UPF3A: variants seen among roughly 807,000 people sequenced by gnomAD.
UPF3A encodes the protein regulator of nonsense transcripts 3A.
UPF3A carries 42 observed loss-of-function variants against 53.5 expected under a neutral mutation model. The ratio of observed to expected loss-of-function variants is 0.78; its 90% confidence interval spans 0.61 to 1.01. The LOEUF (loss-of-function observed/expected upper bound fraction) is 1.01. Among genes scored for constraint, UPF3A ranks in the 50% least tolerant of loss-of-function variants. The pLI, the probability that UPF3A is intolerant of heterozygous loss-of-function variation, is 0.00. For missense variants in UPF3A, 575 were observed against 598.0 expected, an observed-to-expected ratio of 0.96 and a Z score of 0.40; for synonymous variants, 237 against 225.3, an observed-to-expected ratio of 1.05 and a Z score of -0.47.
intron 7 of UPF3A, among the ~76,000 whole-genome samples, chr13:114,292,003 G>T (rs966879954): frequency 1.3e-5 from 2 of 151,812 alleles, no homozygotes; most frequent in African/African-American, 4.8e-5. Context: ...TCAGGCTGCT[G>T]TTGGGTGCCT....
In UPF3A at chr13:114,291,376, A is replaced by T. The variant is rs955107499; in HGVS notation, c.632-113A>T. The T allele has an allele frequency of 3.8e-6, 4 of 1,065,592 alleles. No homozygotes were observed. The African/African-American group carries it at 6.6e-5, about 17-fold the overall frequency. The allele number at this position is 1,065,592 out of a possible 1,614,324, so 66.0% of individuals were successfully genotyped here. A position where few individuals can be genotyped will look rare whatever the true frequency, so the allele number is the denominator to read the frequency against. The stretch of plus-strand genomic sequence containing the variant: ...TCCCCTGGAGACAGTGTGTAAATTT[A>T]AAAAGTAATGATATGGTTCCCGTAT... On this transcript the variant is annotated intron_variant, in intron 5 of 9. Coordinates refer to ENST00000375299, the MANE Select transcript of UPF3A (RefSeq NM_023011.4).
intron 7 of UPF3A, among the ~76,000 whole-genome samples, chr13:114,296,222 A>C (rs1196284308): frequency 6.6e-6 from 1 of 152,164 alleles, no homozygotes; most frequent in Non-Finnish European, 1.5e-5. Flanking sequence ...GTCTCTACTA[A>C]AAATACAAAA....
Position 114,281,984 on chromosome 13 carries a change from C to T in UPF3A, c.208-37C>T, listed in dbSNP as rs1161478911. 4 of 1,528,098 alleles carry T rather than the reference C, an allele frequency of 2.6e-6. No homozygotes were observed. The Admixed American group carries it at 5.9e-5, about 23-fold the overall frequency. 94.7% of individuals were successfully genotyped at this position (1,528,098 alleles called of 1,614,324 possible). A position where few individuals can be genotyped will look rare whatever the true frequency, so the allele number is the denominator to read the frequency against. On this transcript the variant is annotated intron_variant, in intron 1 of 9. Transcript: ENST00000375299. ...GTGCCTTTTGAGCTCCTTGTCCACGCTCCGCCCCGGTGGGAACGGCCGCGC... is the reference window on the plus strand; with the variant it reads ...GTGCCTTTTGAGCTCCTTGTCCACGTTCCGCCCCGGTGGGAACGGCCGCGC...
intron 7 of UPF3A, among the ~76,000 whole-genome samples, chr13:114,293,095 A>AG (rs1555372068): frequency 7.6e-6 from 1 of 131,788 alleles, no homozygotes; most frequent in Non-Finnish European, 1.6e-5. Flanking sequence ...AAAAAAAAAA[A>AG]TTTCCTGGCC....
Position 114,294,599 on chromosome 13 carries a change from G to A in UPF3A, c.846+2807G>A, listed in dbSNP as rs373036974. 2.6e-5 allele frequency among the ~76,000 whole-genome samples: 4 copies of A among 152,326 alleles called. No homozygotes were observed. In the East Asian group the frequency reaches 7.7e-4, roughly 29 times the overall value. ...AATATGGTTTGGGAGGCCGAGGCGGGCGTATCACGAGGTCAGGAGATCGAG... is the reference window on the plus strand; with the variant it reads ...AATATGGTTTGGGAGGCCGAGGCGGACGTATCACGAGGTCAGGAGATCGAG... On this transcript the variant is annotated intron_variant, in intron 7 of 9. Transcript: ENST00000375299.
At chr13:114,291,403 T>C (rs1359275012) in intron 5 of UPF3A, 86 bp from the exon 6 acceptor site, 11 of 1,274,820 alleles carry the variant, frequency 8.6e-6, no homozygotes, top group Non-Finnish European at 1.2e-5. Context: ...TTCCCGTATT[T>C]ATTTTAAAGA....
At chr13:114,294,918 C>T (rs1292298696) in intron 7 of UPF3A, among the ~76,000 whole-genome samples, 11 of 151,464 alleles carry the variant, frequency 7.3e-5, no homozygotes, top group Middle Eastern at 3.4e-3. Flanking sequence ...CGAGACCATC[C>T]TGGCTAACAC....
rs2084293965 is a variant in UPF3A at position 114,283,112 on chromosome 13, C to G, written c.421+169C>G. The G allele has an allele frequency of 1.1e-5, 6 of 534,190 alleles. No homozygotes were observed. The South Asian group carries it at 1.3e-4, about 12-fold the overall frequency. The allele number at this position is 534,190 out of a possible 1,614,324, so 33.1% of individuals were successfully genotyped here. A position where few individuals can be genotyped will look rare whatever the true frequency, so the allele number is the denominator to read the frequency against. ...AATCACGGCTCACTGCAGCCTCACA[C>G]TGCGGCTCAAGCAATCCTCCAGCCT... On this transcript the variant is annotated intron_variant, in intron 3 of 9. Coordinates refer to ENST00000375299, the MANE Select transcript of UPF3A (RefSeq NM_023011.4).
chr13:114,287,831 T>C (rs12560501), intron 5 of UPF3A, among the ~76,000 whole-genome samples: 21 of 151,876 alleles, frequency 1.4e-4, no homozygotes, highest in Admixed American at 7.9e-4. Context: ...AAGCTTTTTT[T>C]CCCCCCACTC....
intron 3 of UPF3A, chr13:114,286,078 C>G (rs2084657292): frequency 2.0e-6 from 1 of 512,570 alleles, no homozygotes; most frequent in Admixed American, 3.6e-5. Context: ...TTGTTTAAGT[C>G]TGGAGTTTGC....
chr13:114,303,756 A>G (rs2086799763), intron 9 of UPF3A, among the ~76,000 whole-genome samples: 1 of 152,200 alleles, frequency 6.6e-6, no homozygotes, highest in South Asian at 2.1e-4. Flanking sequence ...ATTGCACTCC[A>G]GCCTAGGCAA....
At chr13:114,282,555 C>T (rs2084211352) in intron 2 of UPF3A, 6 of 985,352 alleles carry the variant, frequency 6.1e-6, no homozygotes, top group Non-Finnish European at 6.0e-6. Context: ...TCTCTCGGCG[C>T]CACGGGTTCC....
Position 114,305,328 on chromosome 13 carries a change from C to T in UPF3A, c.*411C>T, listed in dbSNP as rs2086931983. The T allele has an allele frequency of 3.7e-6, 1 of 272,398 alleles. No individual in the cohort carries two copies. The highest frequency in any genetic ancestry group is 7.2e-6 in the Non-Finnish European group (1 of 138,326). 16.9% of individuals were successfully genotyped at this position (272,398 alleles called of 1,614,324 possible). A position where few individuals can be genotyped will look rare whatever the true frequency, so the allele number is the denominator to read the frequency against. ...GAGGAGCTGTCAGTCACTCGTGCTT[C>T]TCGGTGGCCTCTGAGCCATGGTGTC... On this transcript the variant is annotated 3_prime_UTR_variant, in exon 10 of 10. Coordinates refer to ENST00000375299, the MANE Select transcript of UPF3A (RefSeq NM_023011.4).
intron 5 of UPF3A, among the ~76,000 whole-genome samples, chr13:114,290,002 A>G (rs920874625): frequency 8.5e-5 from 13 of 152,184 alleles, no homozygotes; most frequent in Non-Finnish European, 1.6e-4. Flanking sequence ...AGAGCAGAGC[A>G]GAACCCTGGC....
At position 114,281,798 on chromosome 13, in the gene UPF3A, G is replaced by A; in HGVS notation, c.159G>A (p.Gly53=). 6.4e-7 allele frequency: 1 copy of A among 1,554,362 alleles called. No homozygotes were observed. The highest frequency in any genetic ancestry group is 8.7e-7 in the Non-Finnish European group (1 of 1,149,710). Residue 53 remains glycine (G), a synonymous_variant, in exon 1 of 10, where the codon GGG becomes GGA. Transcript: ENST00000375299. ...ETPPTSSSGC[G]GGAGKPREEK... is the part of the protein sequence containing the mutation. ...CGCCAACTTCGTCCTCCGGTTGCGGGGGCGGTGCGGGCAAACCTCGCGAGG... is the reference window on the plus strand; with the variant it reads ...CGCCAACTTCGTCCTCCGGTTGCGGAGGCGGTGCGGGCAAACCTCGCGAGG...
chr13:114,297,031 T>C (rs9525317), intron 7 of UPF3A, among the ~76,000 whole-genome samples: 14,755 of 152,160 alleles, frequency 0.097, 841 homozygotes, highest in African/African-American at 0.16. Flanking sequence ...ACAGCTGACA[T>C]GGGGCCCACG....
Position 114,281,647 on chromosome 13 carries a change from C to G in UPF3A, c.8C>G (p.Ser3Trp), listed in dbSNP as rs1366592633. The G allele has an allele frequency of 2.0e-6, 3 of 1,478,888 alleles. No individual in the cohort carries two copies. The highest frequency in any genetic ancestry group is 2.7e-6 in the Non-Finnish European group (3 of 1,115,662). The allele number at this position is 1,478,888 out of a possible 1,614,324, so 91.6% of individuals were successfully genotyped here. The change falls in exon 1 of 10, where the codon TCG becomes TGG. Residue 3 changes from serine to tryptophan, a missense_variant. Transcript: ENST00000375299. The stretch of plus-strand genomic sequence containing the variant: ...CTCGGCGGAGAGTGCGGCATGCGCT[C>G]GGAAAAGGAGGGGGCCGGAGGCCTT... MR[S>W]EKEGAGGLRA...
Position 114,284,135 on chromosome 13 carries a change from G to A in UPF3A, c.421+1192G>A, listed in dbSNP as rs144189990. The A allele has an allele frequency of 2.4e-3, 2,222 of 929,126 alleles. 107 individuals are homozygous for A. The Admixed American group carries it at 0.082, about 34-fold the overall frequency. 57.6% of individuals were successfully genotyped at this position (929,126 alleles called of 1,614,324 possible). On this transcript the variant is annotated intron_variant, in intron 3 of 9. Coordinates refer to ENST00000375299, the MANE Select transcript of UPF3A (RefSeq NM_023011.4). Reference sequence around the variant, plus strand: ...TCCCAGCACTTTAGGAGGCCAAGGCGGGTGGATCACGAGGTCAGGAGTTCG... The same window carrying A: ...TCCCAGCACTTTAGGAGGCCAAGGCAGGTGGATCACGAGGTCAGGAGTTCG...
chr13:114,282,713 G>T, intron 2 of UPF3A, 124 bp from the exon 3 acceptor site: 1 of 1,495,462 alleles, frequency 6.7e-7, no homozygotes, highest in East Asian at 2.5e-5. Context: ...ACAATTAACT[G>T]AGATGATTTG....
Sources: allele counts gnomAD v4.1 joint callset (sites outside exome capture counted in the v4.1 genomes callset), GRCh38; gene constraint gnomAD v4.1.1; transcripts MANE v1.5; gene names NCBI Gene and HGNC (gene_info 2026-07-23, HGNC 2026-07-21).